Variants in KCNH1 observed in about 807,000 individuals in gnomAD.
The protein encoded by KCNH1 is potassium voltage-gated channel subfamily H member 1.
A neutral mutation model predicts 69.2 loss-of-function variants in KCNH1; 27 were observed. That is an observed-to-expected ratio of 0.39 (90% confidence interval 0.29 to 0.54). KCNH1 has a LOEUF of 0.54. Ranked by LOEUF, KCNH1 falls within the 20% of genes least tolerant of loss-of-function variation. KCNH1 has a pLI of 0.68. For missense variants in KCNH1, 798 were observed against 1,261.6 expected (o/e 0.63, Z 5.57); for synonymous variants, 456 against 487.7 (o/e 0.93, Z 0.86).
chr1:210,791,600 C>T (rs890662843), intron 9 of KCNH1, among the ~76,000 whole-genome samples: 3 of 152,162 alleles, frequency 2.0e-5, no homozygotes. Flanking sequence ...CTTCCAAGCC[C>T]AGTTCAACTT....
At chr1:211,013,683 G>A (rs116744964) in intron 6 of KCNH1, among the ~76,000 whole-genome samples, 1,849 of 152,276 alleles carry the variant, frequency 0.012, 16 homozygotes, top group Middle Eastern at 0.037. Context: ...CTGCAAAACC[G>A]GGATAATACC....
At chr1:210,795,586 G>A (rs1684295826) in intron 9 of KCNH1, among the ~76,000 whole-genome samples, 1 of 152,142 alleles carries the variant, frequency 6.6e-6, no homozygotes, top group African/African-American at 2.4e-5. Flanking sequence ...CAAGAAGGAA[G>A]CTACATATTG....
chr1:211,121,286 G>A (rs867168555), intron 1 of KCNH1, among the ~76,000 whole-genome samples: 21 of 152,058 alleles, frequency 1.4e-4, no homozygotes, highest in Admixed American at 5.2e-4. Context: ...ACTACACTAC[G>A]AGGCTATAAT....
At chr1:211,090,510 C>A (rs947094010) in intron 4 of KCNH1, 52 bp downstream of exon 4, 34 of 1,519,540 alleles carry the variant, frequency 2.2e-5, no homozygotes, top group Non-Finnish European at 2.7e-5. Flanking sequence ...ACAAGAGCCA[C>A]AATAAAGACA....
chr1:210,758,959 G>A (rs553078936), intron 10 of KCNH1, among the ~76,000 whole-genome samples: 55 of 152,182 alleles, frequency 3.6e-4, no homozygotes, highest in African/African-American at 1.2e-3. Context: ...CAAAAATTAC[G>A]TTGCTACAAT....
At chr1:210,974,067 C>T (rs1201749151) in intron 6 of KCNH1, among the ~76,000 whole-genome samples, 1 of 152,090 alleles carries the variant, frequency 6.6e-6, no homozygotes, top group Non-Finnish European at 1.5e-5. Context: ...TCAATGATTA[C>T]TTTCTCTCTC....
chr1:210,721,456 T>C (rs1222498745), intron 10 of KCNH1, among the ~76,000 whole-genome samples: 1 of 152,244 alleles, frequency 6.6e-6, no homozygotes, highest in Admixed American at 6.5e-5. Flanking sequence ...TATTTTCTTT[T>C]GAGGTATTTT....
At chr1:210,951,262 G>A (rs1415337574) in intron 6 of KCNH1, among the ~76,000 whole-genome samples, 1 of 152,166 alleles carries the variant, frequency 6.6e-6, no homozygotes, top group Non-Finnish European at 1.5e-5. Context: ...TTGGGGGTGA[G>A]GGGGCATAGC....
At chr1:210,736,370 G>T (rs1170296432) in intron 10 of KCNH1, among the ~76,000 whole-genome samples, 1 of 152,172 alleles carries the variant, frequency 6.6e-6, no homozygotes, top group East Asian at 1.9e-4. Flanking sequence ...CCAACAAGGA[G>T]AAACCCCATC....
intron 10 of KCNH1, among the ~76,000 whole-genome samples, chr1:210,771,697 T>TATC (rs1683757653): frequency 1.3e-5 from 2 of 152,238 alleles, no homozygotes; most frequent in Non-Finnish European, 2.9e-5. Flanking sequence ...TTGCAAATAT[T>TATC]ATCTTATTTA....
intron 5 of KCNH1, among the ~76,000 whole-genome samples, chr1:211,059,774 A>AGAGAGAGAGAGAGAGAGAGT (rs1558586868): frequency 5.3e-5 from 8 of 152,136 alleles, no homozygotes; most frequent in Non-Finnish European, 1.0e-4. Flanking sequence ...AGAGAGAGAG[A>AGAGAGAGAGAGAGAGAGAGT]GAGATTCCCA....
chr1:210,903,343 T>C (rs1404010156), intron 7 of KCNH1, among the ~76,000 whole-genome samples: 5 of 152,176 alleles, frequency 3.3e-5, no homozygotes, highest in Non-Finnish European at 1.5e-5. Context: ...CAGCCCTAAA[T>C]TTTTTTAAAT....
intron 7 of KCNH1, among the ~76,000 whole-genome samples, chr1:210,809,256 C>A (rs1449556375): frequency 6.6e-6 from 1 of 152,074 alleles, no homozygotes; most frequent in South Asian, 2.1e-4. Context: ...AGCTTCTGAA[C>A]TGTGCCATTG....
intron 1 of KCNH1, among the ~76,000 whole-genome samples, chr1:211,125,736 C>T (rs1395562796): frequency 6.6e-6 from 1 of 152,156 alleles, no homozygotes; most frequent in Non-Finnish European, 1.5e-5. Context: ...ATAGAAGCAC[C>T]TGATGTGATT....
At chr1:211,035,030 T>C (rs887731127) in intron 5 of KCNH1, among the ~76,000 whole-genome samples, 2 of 152,122 alleles carry the variant, frequency 1.3e-5, no homozygotes, top group Non-Finnish European at 1.5e-5. Context: ...AGTGAGGCCT[T>C]AGTTCAATAG....
chr1:210,914,097 C>T (rs1501568), intron 7 of KCNH1, among the ~76,000 whole-genome samples: 94,485 of 151,992 alleles, frequency 0.62, 29,772 homozygotes, highest in East Asian at 0.8. Context: ...AGGCCAACCC[C>T]AAACTTTTAG....
At chr1:210,858,796 A>C (rs1685912178) in intron 7 of KCNH1, 1 of 178,370 alleles carries the variant, frequency 5.6e-6, no homozygotes, top group African/African-American at 2.4e-5. Flanking sequence ...AGACATTTTA[A>C]ATAGTCCTGT....
intron 7 of KCNH1, chr1:210,862,176 G>T: frequency 7.4e-7 from 1 of 1,348,942 alleles, no homozygotes; most frequent in Non-Finnish European, 1.1e-6. Context: ...GCAGCGTTGA[G>T]ACAAAATTCA....
At chr1:210,703,765 C>T (rs1681838340) in intron 10 of KCNH1, among the ~76,000 whole-genome samples, 1 of 152,170 alleles carries the variant, frequency 6.6e-6, no homozygotes, top group African/African-American at 2.4e-5. Context: ...AGTGTGTGGT[C>T]ATGAAACACC....
Sources: allele counts gnomAD v4.1 joint callset (sites outside exome capture counted in the v4.1 genomes callset), GRCh38; gene constraint gnomAD v4.1.1; transcripts MANE v1.5; gene names NCBI Gene and HGNC (gene_info 2026-07-23, HGNC 2026-07-21).